NDEL1: variants seen among roughly 807,000 people sequenced by gnomAD.
NDEL1 encodes nuclear distribution protein nudE-like 1.
In NDEL1, 9 loss-of-function variants were observed where a neutral mutation model predicts 45.7. The observed-to-expected ratio is 0.20, with a 90% CI of 0.12 to 0.34. The LOEUF (loss-of-function observed/expected upper bound fraction) is 0.34, where lower values mean the gene tolerates loss of function less well. Ranked by LOEUF, NDEL1 falls within the 10% of genes least tolerant of loss-of-function variation. The pLI is 1.00. For missense variants in NDEL1, 306 were observed against 406.2 expected, an observed-to-expected ratio of 0.75 and a Z score of 2.12; for synonymous variants, 133 against 158.6, an observed-to-expected ratio of 0.84 and a Z score of 1.21.
chr17:8,469,266 A>G (rs186194704), downstream of NDEL1, among the ~76,000 whole-genome samples: 5 of 152,274 alleles, frequency 3.3e-5, no homozygotes, highest in Non-Finnish European at 1.5e-5. Flanking sequence ...ATTGGATTAG[A>G]TGAGAGGTTT....
chr17:8,469,840 G>A (rs1049206904), downstream of NDEL1, among the ~76,000 whole-genome samples: 3 of 148,874 alleles, frequency 2.0e-5, no homozygotes, highest in Non-Finnish European at 4.4e-5. Context: ...AGCAGCTGGC[G>A]CCCGCCGCCA....
At chr17:8,447,987 G>A (rs1454448467) in intron 4 of NDEL1, among the ~76,000 whole-genome samples, 1 of 150,836 alleles carries the variant, frequency 6.6e-6, no homozygotes, top group Admixed American at 6.6e-5. Context: ...GTGGGCGGGG[G>A]GGGGGCAGTG....
intron 1 of NDEL1, among the ~76,000 whole-genome samples, chr17:8,439,659 A>C (rs1445073937): frequency 6.6e-6 from 1 of 152,174 alleles, no homozygotes. Context: ...GAATATGCAT[A>C]TATTCCTGAA....
downstream of NDEL1, among the ~76,000 whole-genome samples, chr17:8,469,548 T>C (rs1911782620): frequency 6.6e-6 from 1 of 152,144 alleles, no homozygotes; most frequent in Non-Finnish European, 1.5e-5. Flanking sequence ...CTGCTGTGGG[T>C]CCAGAAGAGC....
At chr17:8,435,729 A>G (rs2151702954), upstream of NDEL1, 1 of 336,120 alleles carries the variant, frequency 3.0e-6, no homozygotes, top group East Asian at 1.1e-4. Context: ...ACGCCTGCGC[A>G]AGAGGACGCC....
At chr17:8,466,235 G>C (rs1392013416) in intron 8 of NDEL1, 2 of 152,156 alleles carry the variant, frequency 1.3e-5, no homozygotes, top group Non-Finnish European at 2.9e-5. Context: ...GGGAAGAAAA[G>C]TAACGATTCT....
At chr17:8,473,045 A>C (rs370838946), downstream of NDEL1, among the ~76,000 whole-genome samples, 1 of 152,192 alleles carries the variant, frequency 6.6e-6, no homozygotes, top group East Asian at 1.9e-4. Flanking sequence ...CGGGTCAGTC[A>C]AGAAGGGACC....
At chr17:8,456,443 ATTACT>A (rs1910848739) in intron 7 of NDEL1, among the ~76,000 whole-genome samples, 3 of 151,392 alleles carry the variant, frequency 2.0e-5, no homozygotes, top group South Asian at 2.1e-4. Context: ...TTTTAAAAAA[ATTACT>A]TTAACATTCT....
chr17:8,445,802 C>A lies in NDEL1; in HGVS notation c.178C>A (p.Gln60Lys). 6.3e-7 allele frequency: 1 copy of A among 1,582,824 alleles called. No individual in the cohort carries two copies. Among genetic ancestry groups the A allele is most frequent in the African/African-American group, 1.4e-5 (1 of 72,686 alleles). The change falls in exon 3 of 9, where the codon CAA (glutamine) becomes AAA (lysine). Residue 60 changes from glutamine to lysine, a missense_variant. Gln to Lys is a moderately conservative substitution (Grantham distance 53). Around this residue, in one of 3 missense-constraint regions of NDEL1, gnomAD observed 112 missense variants for 148.3 expected, o/e 0.76. Coordinates refer to ENST00000334527, the MANE Select transcript of NDEL1 (RefSeq NM_030808.5). ...GGAGGCACAATTAGTACAGGCTGAA[C>A]AAAGAAATAGAGACTTGCAGGCTGA... ...ELEAQLVQAE[Q>K]RNRDLQADNQ...
At chr17:8,415,146 G>A (rs780868783) in intron 1 of NDEL1, among the ~76,000 whole-genome samples, 2 of 127,396 alleles carry the variant, frequency 1.6e-5, no homozygotes, top group Non-Finnish European at 3.1e-5. Flanking sequence ...CTCTCTTTCT[G>A]TCTCTCTGTC....
chr17:8,435,822 G>T (rs1909274639), upstream of NDEL1: 1 of 441,502 alleles, frequency 2.3e-6, no homozygotes, highest in Non-Finnish European at 4.5e-6. Context: ...ATACCCGTGC[G>T]CTGCCGCGCA....
chr17:8,435,484 CTGA>C (rs1285777256), upstream of NDEL1, among the ~76,000 whole-genome samples: 1 of 152,192 alleles, frequency 6.6e-6, no homozygotes, highest in Non-Finnish European at 1.5e-5. Context: ...TAGAATGCTC[CTGA>C]TGTTCCATTG....
chr17:8,436,067 GCTC>G (rs1372239845), intron 1 of NDEL1, 22 bp downstream of exon 1: 2 of 421,848 alleles, frequency 4.7e-6, no homozygotes, highest in Non-Finnish European at 9.4e-6. Context: ...GCGCGGGGCC[GCTC>G]CCTAAGGGGC....
chr17:8,423,108 C>T (rs1224340948), intron 1 of NDEL1, among the ~76,000 whole-genome samples: 1 of 152,172 alleles, frequency 6.6e-6, no homozygotes, highest in African/African-American at 2.4e-5. Flanking sequence ...GAAATTTCTT[C>T]TGTGATCCCA....
intron 1 of NDEL1, among the ~76,000 whole-genome samples, chr17:8,416,606 G>T (rs2151691311): frequency 6.6e-6 from 1 of 152,228 alleles, no homozygotes; most frequent in Non-Finnish European, 1.5e-5. Flanking sequence ...GGAGTGTCTT[G>T]TCATCCCTAG....
Position 8,460,129 on chromosome 17 carries a change from C to T in NDEL1, c.913C>T (p.Arg305Ter). The T allele has an allele frequency of 3.7e-6, 6 of 1,614,028 alleles. No homozygotes were observed. The highest frequency in any genetic ancestry group is 4.2e-6 in the Non-Finnish European group (5 of 1,180,000). ...VLNGNGTKFS[R>*]SGHTSFFDKG... ...GAATGGCAATGGCACAAAGTTCTCT[C>T]GATCAGGGCATACATCTTTCTTCGA... is the stretch of plus-strand genomic sequence containing the variant. The change falls in exon 8 of 9, where the codon CGA becomes TGA. Residue 305 changes from arginine to a stop codon, truncating the protein, a stop_gained. Coordinates refer to ENST00000334527, the MANE Select transcript of NDEL1 (RefSeq NM_030808.5). LOFTEE classifies it high-confidence loss of function.
upstream of NDEL1, among the ~76,000 whole-genome samples, chr17:8,435,388 T>C (rs1909211101): frequency 6.6e-6 from 1 of 152,192 alleles, no homozygotes; most frequent in South Asian, 2.1e-4. Flanking sequence ...AACTTAGAAT[T>C]CTACTGGAGG....
intron 1 of NDEL1, among the ~76,000 whole-genome samples, chr17:8,415,042 G>C (rs1002080498): frequency 3.3e-5 from 5 of 151,926 alleles, no homozygotes; most frequent in Non-Finnish European, 5.9e-5. Flanking sequence ...GTCATCTTAG[G>C]AGTTCCCTTT....
Position 8,460,085 on chromosome 17 carries a change from A to G in NDEL1, c.869A>G (p.Asn290Ser). The G allele has an allele frequency of 1.2e-6, 2 of 1,614,158 alleles. No individual in the cohort carries two copies. The highest frequency in any genetic ancestry group is 8.5e-7 in the Non-Finnish European group (1 of 1,180,004). ...QASRKSYISG[N>S]VNCGVLNGNG... Reference sequence around the variant, plus strand: ...TCACGAAAATCCTATATTTCAGGGAATGTTAACTGTGGGGTGCTGAATGGC... The same window carrying G: ...TCACGAAAATCCTATATTTCAGGGAGTGTTAACTGTGGGGTGCTGAATGGC... Residue 290 changes from asparagine (N) to serine (S), a missense_variant, in exon 8 of 9, where the codon AAT becomes AGT. Asn to Ser is a conservative substitution (Grantham distance 46). This residue lies in a region of NDEL1 where 175 missense variants were observed against 205.2 expected (regional missense o/e 0.85). Transcript: ENST00000334527.
Sources: allele counts gnomAD v4.1 joint callset (sites outside exome capture counted in the v4.1 genomes callset), GRCh38; gene constraint gnomAD v4.1.1; regional missense constraint gnomAD v4.1.1; transcripts MANE v1.5; gene names NCBI Gene and HGNC (gene_info 2026-07-23, HGNC 2026-07-21).